TMEM233: variants seen among roughly 807,000 people sequenced by gnomAD.
TMEM233 encodes the protein transmembrane protein 233, also known as dispanin subfamily B member 2.
In TMEM233, 6 loss-of-function variants were observed where a neutral mutation model predicts 11.2. The observed-to-expected ratio is 0.54, with a 90% CI of 0.29 to 1.06. TMEM233 has a LOEUF of 1.06. TMEM233 is among the 50% of genes least tolerant of loss of function. The pLI, the probability that TMEM233 is intolerant of heterozygous loss-of-function variation, is 0.08. For missense variants in TMEM233, 127 were observed against 144.7 expected (o/e 0.88, Z 0.63); for synonymous variants, 59 against 55.8 (o/e 1.06, Z -0.26).
chr12:119,649,351 G>C, the TMEM233 span, among the ~76,000 whole-genome samples: 1 of 152,066 alleles, frequency 6.6e-6, no homozygotes, highest in Non-Finnish European at 1.5e-5. Context: ...AAGAGAAAAA[G>C]AAAAGATAGA....
chr12:119,627,830 C>G (rs1308790695), intron 1 of TMEM233, among the ~76,000 whole-genome samples: 2 of 152,226 alleles, frequency 1.3e-5, no homozygotes, highest in Non-Finnish European at 2.9e-5. Context: ...ATAAGACATG[C>G]TCACCAGTGC....
chr12:119,614,854 A>G (rs1018435830), intron 1 of TMEM233, among the ~76,000 whole-genome samples: 1 of 152,132 alleles, frequency 6.6e-6, no homozygotes, highest in Non-Finnish European at 1.5e-5. Flanking sequence ...CTGGCACAGA[A>G]TATTCAATAA....
chr12:119,648,436 C>G, the TMEM233 span, among the ~76,000 whole-genome samples: 1 of 152,194 alleles, frequency 6.6e-6, no homozygotes, highest in East Asian at 1.9e-4. Context: ...TGTGCCCTTC[C>G]TCCTGGCTAA....
At chr12:119,614,100 T>C (rs1192627014) in intron 1 of TMEM233, among the ~76,000 whole-genome samples, 4 of 151,948 alleles carry the variant, frequency 2.6e-5, no homozygotes, top group Non-Finnish European at 5.9e-5. Flanking sequence ...TGGAAGACTT[T>C]AGAGCTGAGG....
At chr12:119,610,887 G>A (rs187847692) in intron 1 of TMEM233, among the ~76,000 whole-genome samples, 46 of 152,254 alleles carry the variant, frequency 3.0e-4, no homozygotes, top group African/African-American at 1.0e-3. Flanking sequence ...TATCTCTACG[G>A]ATTTACCTAT....
At position 119,594,048 on chromosome 12, in the gene TMEM233, G is replaced by T. The variant is rs1246303334; in HGVS notation, c.186+14G>T. ...TTTTCCATCATGGTGAGTGAATCAC[G>T]GCCAGAGGCAGCCTGGGAGGAGAGA... is the stretch of plus-strand genomic sequence containing the variant. On this transcript the variant is annotated intron_variant, in intron 1 of 2. Transcript: ENST00000426426. This position sits in a 1 kb window ranked among gnomAD's most constrained non-coding sequence, Gnocchi z 5.6. 2 of 1,550,830 alleles carry T rather than the reference G, an allele frequency of 1.3e-6. No homozygotes were observed. Among genetic ancestry groups the T allele is most frequent in the South Asian group, 2.4e-5 (2 of 83,986 alleles).
downstream of TMEM233, among the ~76,000 whole-genome samples, chr12:119,647,991 C>T (rs1487955593): frequency 6.6e-6 from 1 of 152,164 alleles, no homozygotes; most frequent in African/African-American, 2.4e-5. Context: ...CAGCCACACA[C>T]TGGCCCCAAA....
chr12:119,626,529 AGG>A lies in TMEM233; in HGVS notation c.187-3205_187-3204del, dbSNP rs1253971264. 4.3e-3 allele frequency among the ~76,000 whole-genome samples: 152 copies of A among 35,666 alleles called. 7 individuals are homozygous for A. In the Middle Eastern group the frequency reaches 0.054, roughly 13 times the overall value. 23.4% of individuals were successfully genotyped at this position (35,666 alleles called of 152,430 possible). A position where few individuals can be genotyped will look rare whatever the true frequency, so the allele number is the denominator to read the frequency against. On this transcript the variant is annotated intron_variant, in intron 1 of 2. Transcript: ENST00000426426. ...AGGAGGAGGAGGAGGAGAAGGGAGAAGGGAGAAGGGAGAAGAGAAGAGAAGAG... is the reference window on the plus strand; with the variant it reads ...AGGAGGAGGAGGAGGAGAAGGGAGAAGAGAAGGGAGAAGAGAAGAGAAGAG...
chr12:119,609,255 C>G (rs1311545418), intron 1 of TMEM233, among the ~76,000 whole-genome samples: 1 of 152,140 alleles, frequency 6.6e-6, no homozygotes, highest in Admixed American at 6.5e-5. Context: ...ATCTGTGGAA[C>G]TTTGAACTTG....
intron 1 of TMEM233, among the ~76,000 whole-genome samples, chr12:119,596,654 G>A (rs1386017314): frequency 2.6e-5 from 4 of 151,670 alleles, no homozygotes; most frequent in African/African-American, 9.7e-5. Context: ...CACCACGCCC[G>A]ACTAATTTTT....
chr12:119,625,903 G>C (rs565449440), intron 1 of TMEM233, among the ~76,000 whole-genome samples: 1 of 151,918 alleles, frequency 6.6e-6, no homozygotes, highest in Admixed American at 6.6e-5. Context: ...CTCTACACTC[G>C]AATTTCCCCA....
intron 1 of TMEM233, among the ~76,000 whole-genome samples, chr12:119,625,913 A>G (rs958148267): frequency 3.3e-5 from 5 of 152,150 alleles, no homozygotes; most frequent in Non-Finnish European, 7.4e-5. Context: ...GAATTTCCCC[A>G]ATTATCCCGA....
chr12:119,599,525 C>A (rs1157713568), intron 1 of TMEM233, among the ~76,000 whole-genome samples: 1 of 152,144 alleles, frequency 6.6e-6, no homozygotes, highest in Non-Finnish European at 1.5e-5. Context: ...GTGACAAAAT[C>A]TTAGACGATG....
chr12:119,629,239 G>C (rs1205321690), intron 1 of TMEM233, among the ~76,000 whole-genome samples: 3 of 152,076 alleles, frequency 2.0e-5, no homozygotes, highest in Non-Finnish European at 4.4e-5. Flanking sequence ...GTAAAACCCT[G>C]TCTCTACTAA....
chr12:119,631,255 CTT>C (rs1954877659), intron 2 of TMEM233: 2 of 152,434 alleles, frequency 1.3e-5, no homozygotes, highest in African/African-American at 2.4e-5. Context: ...AGGTCAACCT[CTT>C]TCTCTTGGTT....
intron 1 of TMEM233, among the ~76,000 whole-genome samples, chr12:119,625,433 G>A (rs1224717294): frequency 2.7e-5 from 4 of 150,102 alleles, no homozygotes; most frequent in African/African-American, 7.4e-5. Flanking sequence ...GCAGTGGCAC[G>A]ATCATAGCTC....
At chr12:119,650,436 C>G in the TMEM233 span, among the ~76,000 whole-genome samples, 114 of 152,326 alleles carry the variant, frequency 7.5e-4, 1 homozygote, top group South Asian at 0.01. Flanking sequence ...TAAACTAACT[C>G]TCAGAGTTTA....
At chr12:119,626,155 TA>T (rs906468915) in intron 1 of TMEM233, among the ~76,000 whole-genome samples, 1 of 151,950 alleles carries the variant, frequency 6.6e-6, no homozygotes, top group East Asian at 1.9e-4. Context: ...CCCTCTTAAT[TA>T]AAAAAAGCTA....
At chr12:119,618,286 G>C (rs954934273) in intron 1 of TMEM233, among the ~76,000 whole-genome samples, 1 of 152,254 alleles carries the variant, frequency 6.6e-6, no homozygotes, top group Non-Finnish European at 1.5e-5. Context: ...CAGGGGCAGA[G>C]CCCTCATGGA....
Sources: allele counts gnomAD v4.1 joint callset (sites outside exome capture counted in the v4.1 genomes callset), GRCh38; gene constraint gnomAD v4.1.1; non-coding constraint Gnocchi (gnomAD v3.1); transcripts MANE v1.5; gene names NCBI Gene and HGNC (gene_info 2026-07-23, HGNC 2026-07-21).